The following AKR1C3 variants were observed in gnomAD, a reference collection of about 807,000 sequenced individuals.
AKR1C3 encodes 3-alpha hydroxysteroid dehydrogenase, type II.
AKR1C3 carries 48 observed loss-of-function variants against 43.6 expected under a neutral mutation model. The observed-to-expected ratio is 1.10, with a 90% confidence interval of 0.87 to 1.40. AKR1C3 has a LOEUF of 1.40. Ranked by LOEUF, AKR1C3 falls within the 40% of genes most tolerant of loss-of-function variation. AKR1C3 has a pLI of 0.00. For missense variants in AKR1C3, 482 were observed against 391.2 expected, an observed-to-expected ratio of 1.23 and a Z score of -1.96; for synonymous variants, 162 against 139.6, an observed-to-expected ratio of 1.16 and a Z score of -1.13.
intron 1 of AKR1C3, among the ~76,000 whole-genome samples, chr10:5,055,225 T>C (rs2131775997): frequency 6.6e-6 from 1 of 152,310 alleles, no homozygotes; most frequent in Non-Finnish European, 1.5e-5. Context: ...CAACTGTATA[T>C]AGGTTAAGGT....
intron 1 of AKR1C3, among the ~76,000 whole-genome samples, chr10:5,073,844 T>A (rs1251863157): frequency 6.6e-6 from 1 of 152,156 alleles, no homozygotes; most frequent in Non-Finnish European, 1.5e-5. Context: ...CTTGTCTTGG[T>A]TGAAGGCAGA....
Position 5,102,185 on chromosome 10 carries a change from C to T in AKR1C3, c.655C>T (p.Leu219=). The change falls in exon 6 of 9, where the codon CTG becomes TTG. Residue 219 remains leucine (L), a synonymous_variant. Transcript: ENST00000380554. ...TATTGTTCTGGTTGCCTATAGTGCT[C>T]TGGGATCTCAACGAGACAAACGATG... The part of the protein sequence containing the change: ...KDIVLVAYSA[L]GSQRDKRWVD... 1 of 1,613,806 alleles carries T rather than the reference C, an allele frequency of 6.2e-7. No individual in the cohort carries two copies. Among genetic ancestry groups the T allele is most frequent in the Non-Finnish European group, 8.5e-7 (1 of 1,179,772 alleles).
At chr10:5,085,650 G>A (rs1337125209) in intron 1 of AKR1C3, among the ~76,000 whole-genome samples, 5 of 151,902 alleles carry the variant, frequency 3.3e-5, no homozygotes, top group African/African-American at 1.2e-4. Context: ...AGAAGGAACG[G>A]TACCAGCTCT....
rs910658045 is a variant in AKR1C3, at chr10:5,096,426, C to T, written c.101C>T (p.Ala34Val). 5 of 1,613,314 alleles carry T rather than the reference C, an allele frequency of 3.1e-6. No homozygotes were observed. The highest frequency in any genetic ancestry group is 1.7e-4 in the Middle Eastern group (1 of 6,052). The change falls in exon 2 of 9, where the codon GCT becomes GTT. Residue 34 changes from alanine (A) to valine (V), a missense_variant. Ala to Val is a moderately conservative substitution (Grantham distance 64). Transcript: ENST00000380554. Reference sequence around the variant, plus strand: ...CTCCTCCAGGTTCCGAGAAGTAAAGCTTTGGAGGTCACAAAATTAGCAATA... The same window carrying T: ...CTCCTCCAGGTTCCGAGAAGTAAAGTTTTGGAGGTCACAAAATTAGCAATA... ...YAPPEVPRSK[A>V]LEVTKLAIEA...
chr10:5,107,576 G>T lies in AKR1C3; in HGVS notation c.*73G>T. ...GTGACGCAGAGGACGTCTCTATGCCGGTGACTGGACATATCACCTCTACTT... is the reference window on the plus strand; with the variant it reads ...GTGACGCAGAGGACGTCTCTATGCCTGTGACTGGACATATCACCTCTACTT... On this transcript the variant is annotated 3_prime_UTR_variant, in exon 9 of 9. Transcript: ENST00000380554. The T allele has an allele frequency of 8.1e-7, 1 of 1,234,426 alleles. No individual in the cohort carries two copies. The highest frequency in any genetic ancestry group is 2.4e-5 in the East Asian group (1 of 42,158). 76.5% of individuals were successfully genotyped at this position (1,234,426 alleles called of 1,614,324 possible).
chr10:5,080,393 G>A (rs1838808541), intron 1 of AKR1C3, among the ~76,000 whole-genome samples: 2 of 152,152 alleles, frequency 1.3e-5, no homozygotes, highest in South Asian at 4.1e-4. Context: ...GAAGGCTAAG[G>A]CAAGTGGATT....
Position 5,053,294 on chromosome 10 carries a change from G to C in AKR1C3, c.84+4399G>C, listed in dbSNP as rs1440859981. 5.3e-5 allele frequency among the ~76,000 whole-genome samples: 8 copies of C among 152,356 alleles called. No homozygotes were observed. In the East Asian group the frequency reaches 1.5e-3, roughly 29 times the overall value. On this transcript the variant is annotated intron_variant, in intron 1 of 8. Coordinates refer to the AKR1C3 transcript ENST00000439082. ...GCAGGTCCCGAGCCCTGCCCCATGG[G>C]GAGGCAGCTAAGGTCCGGTGAGAAA...
chr10:5,049,033 C>T (rs1838095714), intron 1 of AKR1C3: 1 of 639,158 alleles, frequency 1.6e-6, no homozygotes, highest in South Asian at 2.1e-5. Context: ...TAAAGCTATA[C>T]TGTATGTACA....
At chr10:5,084,136 A>T (rs1353430324) in intron 1 of AKR1C3, among the ~76,000 whole-genome samples, 1 of 152,094 alleles carries the variant, frequency 6.6e-6, no homozygotes, top group Non-Finnish European at 1.5e-5. Flanking sequence ...GGTGTTTTAG[A>T]CATGAAGTCC....
intron 1 of AKR1C3, among the ~76,000 whole-genome samples, chr10:5,075,271 G>A (rs1286271326): frequency 1.3e-5 from 2 of 151,962 alleles, no homozygotes; most frequent in African/African-American, 4.8e-5. Flanking sequence ...TCATAAGTTT[G>A]TGTGCCTTTT....
At chr10:5,089,618 A>C (rs4436454), upstream of AKR1C3, among the ~76,000 whole-genome samples, 69,328 of 151,676 alleles carry the variant, frequency 0.46, 16,747 homozygotes, top group East Asian at 0.86. Flanking sequence ...AAATAAGTAT[A>C]TCTTTTTTTC....
upstream of AKR1C3, among the ~76,000 whole-genome samples, chr10:5,092,326 G>T (rs1480014120): frequency 2.0e-5 from 3 of 151,924 alleles, no homozygotes; most frequent in East Asian, 5.8e-4. Context: ...ATTAATGTCT[G>T]TTGCCAATTT....
intron 5 of AKR1C3, among the ~76,000 whole-genome samples, chr10:5,100,217 C>G (rs2131844271): frequency 2.0e-5 from 3 of 152,288 alleles, no homozygotes; most frequent in Middle Eastern, 6.8e-3. Flanking sequence ...TCGCTTGAAC[C>G]CAGGAGGCAG....
chr10:5,101,254 T>A (rs983589214), intron 5 of AKR1C3, among the ~76,000 whole-genome samples: 6 of 152,362 alleles, frequency 3.9e-5, no homozygotes, highest in Admixed American at 3.9e-4. Context: ...GAAGAAGTCA[T>A]ATTCCATGAC....
intron 1 of AKR1C3, among the ~76,000 whole-genome samples, chr10:5,084,714 G>A (rs1447077770): frequency 2.6e-5 from 4 of 152,116 alleles, no homozygotes; most frequent in African/African-American, 9.7e-5. Flanking sequence ...CATGAGCATG[G>A]AATATTCTTC....
intron 1 of AKR1C3, among the ~76,000 whole-genome samples, chr10:5,077,309 A>T (rs1838736532): frequency 6.6e-6 from 1 of 152,136 alleles, no homozygotes; most frequent in Non-Finnish European, 1.5e-5. Flanking sequence ...GTGATTTTAT[A>T]TATTCTTGGC....
At chr10:5,087,104 G>A (rs1838983422) in intron 1 of AKR1C3, among the ~76,000 whole-genome samples, 1 of 152,102 alleles carries the variant, frequency 6.6e-6, no homozygotes, top group Non-Finnish European at 1.5e-5. Flanking sequence ...ATTTGATCCT[G>A]TCATTATGAT....
chr10:5,093,625 G>A (rs1443705063), upstream of AKR1C3: 4 of 152,034 alleles, frequency 2.6e-5, no homozygotes, highest in Non-Finnish European at 4.4e-5. Flanking sequence ...ATATAAAATG[G>A]TTATCAGTTT....
At chr10:5,059,396 A>T (rs1196456990) in intron 1 of AKR1C3, among the ~76,000 whole-genome samples, 1 of 152,222 alleles carries the variant, frequency 6.6e-6, no homozygotes, top group African/African-American at 2.4e-5. Context: ...AGTGAGTCTC[A>T]CTTGGGCGAC....
Sources: gnomAD v4.1 joint callset for allele counts (sites outside exome capture counted in the v4.1 genomes callset) on GRCh38, gnomAD v4.1.1 for gene constraint, MANE v1.5 for transcripts, NCBI Gene and HGNC (gene_info 2026-07-23, HGNC 2026-07-21) for gene names.